DHRS3: variants seen among roughly 807,000 people sequenced by gnomAD.
The protein encoded by DHRS3 is dehydrogenase/reductase 3, also known as short-chain dehydrogenase/reductase 3.
In DHRS3, 14 loss-of-function variants were observed where a neutral mutation model predicts 27.2. That is an observed-to-expected ratio of 0.52 (90% confidence interval 0.34 to 0.81). DHRS3 has a LOEUF of 0.81. Among genes scored for constraint, DHRS3 ranks in the 30% least tolerant of loss-of-function variants. The probability of loss-of-function intolerance (pLI) is 0.01; values close to 1 mark genes in which losing one functional copy is unlikely to be tolerated. For missense variants in DHRS3, 322 were observed against 406.2 expected (o/e 0.79, Z 1.78); for synonymous variants, 165 against 175.9 (o/e 0.94, Z 0.49).
rs753270838 is a variant in DHRS3, at chr1:12,578,834, T to G, written c.582A>C (p.Ser194=). The G allele has an allele frequency of 1.2e-6, 2 of 1,613,906 alleles. No individual in the cohort carries two copies. Among genetic ancestry groups the G allele is most frequent in the African/African-American group, 2.7e-5 (2 of 74,918 alleles). Residue 194 remains serine (S), a synonymous_variant, in exon 4 of 6, where the codon TCA becomes TCC. Transcript: ENST00000616661. This position sits in a 1 kb window ranked among gnomAD's most constrained non-coding sequence, Gnocchi z 4.5. ...TCAGGCTCTCCATGAAGGCGAAGGC[T>G]GACGCTTTGGATGTGCAGTAGTCGA... ...GAIDYCTSKA[S]AFAFMESLTL...
At chr1:12,585,243 GTC>G (rs1322548575) in intron 1 of DHRS3, among the ~76,000 whole-genome samples, 2 of 139,904 alleles carry the variant, frequency 1.4e-5, no homozygotes, top group Non-Finnish European at 2.9e-5. Context: ...GTGAGTGTGT[GTC>G]TCTGTGTCTC....
At chr1:12,600,230 C>T (rs1025856234) in intron 1 of DHRS3, 17 of 326,954 alleles carry the variant, frequency 5.2e-5, no homozygotes, top group Non-Finnish European at 6.1e-5. Flanking sequence ...CGTACACACA[C>T]ACACACACAA....
Position 12,594,641 on chromosome 1 carries a change from T to A in DHRS3, c.196-13975A>T, listed in dbSNP as rs1646773354. ...TGAAGGAGGGAGCGATACAGACGCG[T>A]GGAGGAAGAGCATCCCTGGTGGAGG... On this transcript the variant is annotated intron_variant, in intron 1 of 5. Transcript: ENST00000616661. This position sits in a 1 kb window ranked among gnomAD's most constrained non-coding sequence, Gnocchi z 4.1. 6.6e-6 allele frequency among the ~76,000 whole-genome samples: 1 copy of A among 152,060 alleles called. No homozygotes were observed. The highest frequency in any genetic ancestry group is 2.4e-5 in the African/African-American group (1 of 41,444).
rs1183789741 is a variant in DHRS3, at chr1:12,593,868, C to T, written c.196-13202G>A. 1.3e-5 allele frequency among the ~76,000 whole-genome samples: 2 copies of T among 152,220 alleles called. No homozygotes were observed. Among genetic ancestry groups the T allele is most frequent in the African/African-American group, 2.4e-5 (1 of 41,454 alleles). ...CAGGCAGAACACTGCTCACTCCCAGCCAGAAACCCACGGGCTGATGTTTCT... is the reference window on the plus strand; with the variant it reads ...CAGGCAGAACACTGCTCACTCCCAGTCAGAAACCCACGGGCTGATGTTTCT... On this transcript the variant is annotated intron_variant, in intron 1 of 5. Coordinates refer to ENST00000616661, the MANE Select transcript of DHRS3 (RefSeq NM_004753.7). This position sits in a 1 kb window ranked among gnomAD's most constrained non-coding sequence, Gnocchi z 4.6.
At chr1:12,596,914 C>A (rs917301849) in intron 1 of DHRS3, among the ~76,000 whole-genome samples, 1 of 152,124 alleles carries the variant, frequency 6.6e-6, no homozygotes, top group African/African-American at 2.4e-5. Context: ...CACTGCCCCC[C>A]CAAACTGAGC....
In DHRS3 at chr1:12,603,329, G is replaced by A. The variant is rs977313013; in HGVS notation, c.195+13825C>T. Among the ~76,000 whole-genome samples the A allele has an allele frequency of 3.9e-5, 6 of 152,248 alleles. No homozygotes were observed. The East Asian group carries it at 9.6e-4, about 24-fold the overall frequency. ...GTCCATCGAGGAGAGGGAGCGGGCTGAGTCATTTCCTTGAAGCATCATTTT... is the reference window on the plus strand; with the variant it reads ...GTCCATCGAGGAGAGGGAGCGGGCTAAGTCATTTCCTTGAAGCATCATTTT... On this transcript the variant is annotated intron_variant, in intron 1 of 5. Coordinates refer to ENST00000616661, the MANE Select transcript of DHRS3 (RefSeq NM_004753.7).
Position 12,594,038 on chromosome 1 carries a change from C to G in DHRS3, c.196-13372G>C, listed in dbSNP as rs974413368. On this transcript the variant is annotated intron_variant, in intron 1 of 5. Coordinates refer to ENST00000616661, the MANE Select transcript of DHRS3 (RefSeq NM_004753.7). The surrounding 1 kb of genome is among the most constrained non-coding windows in gnomAD (Gnocchi z 4.1). ...ACCTCACAACCTTTGCCCTTTTCCC[C>G]CACTGGACCTCTTGCTGGAAAGTGC... Among the ~76,000 whole-genome samples, 1 of 152,176 alleles carries G rather than the reference C, an allele frequency of 6.6e-6. No individual in the cohort carries two copies. Among genetic ancestry groups the G allele is most frequent in the African/African-American group, 2.4e-5 (1 of 41,426 alleles).
chr1:12,599,236 G>T (rs1646819659), intron 1 of DHRS3, among the ~76,000 whole-genome samples: 1 of 152,264 alleles, frequency 6.6e-6, no homozygotes, highest in South Asian at 2.1e-4. Flanking sequence ...GGCCCAGAGG[G>T]CCAGGGGATT....
At chr1:12,595,127 G>C (rs1646782448) in intron 1 of DHRS3, among the ~76,000 whole-genome samples, 1 of 152,122 alleles carries the variant, frequency 6.6e-6, no homozygotes, top group Admixed American at 6.5e-5. Context: ...AGCAGTTCCA[G>C]GTGGCAAAGG....
chr1:12,617,529 A>AG lies in DHRS3; in HGVS notation c.-182_-181insC. The AG allele has an allele frequency of 2.2e-6, 1 of 458,978 alleles. No homozygotes were observed. The highest frequency in any genetic ancestry group is 4.2e-5 in the Admixed American group (1 of 23,878). 28.4% of individuals were successfully genotyped at this position (458,978 alleles called of 1,614,324 possible). On this transcript the variant is annotated 5_prime_UTR_variant, in exon 1 of 6. Transcript: ENST00000616661. ...CACCGGGTGAGAAAAAGAAAAAAAAAAAAAAAAAAAAGATAAATTCTCCTC... is the reference window on the plus strand; with the variant it reads ...CACCGGGTGAGAAAAAGAAAAAAAAAGAAAAAAAAAAAGATAAATTCTCCTC...
intron 5 of DHRS3, among the ~76,000 whole-genome samples, chr1:12,571,078 C>T (rs534379314): frequency 6.6e-6 from 1 of 152,246 alleles, no homozygotes; most frequent in Non-Finnish European, 1.5e-5. Context: ...CTGAAAAGGA[C>T]TTCCAGGTCA....
rs749333367 is a variant in DHRS3, at chr1:12,578,305, G to C, written c.698+413C>G. The stretch of plus-strand genomic sequence containing the variant: ...AGACAGCGTCAAACAGAGGGTAGAG[G>C]CTCCTTGGTGACTTTTTGTTTTGAG... On this transcript the variant is annotated intron_variant, in intron 4 of 5. Transcript: ENST00000616661. The surrounding 1 kb of genome is among the most constrained non-coding windows in gnomAD (Gnocchi z 4.5). 1.3e-5 allele frequency among the ~76,000 whole-genome samples: 2 copies of C among 151,614 alleles called. No homozygotes were observed. The highest frequency in any genetic ancestry group is 2.9e-5 in the Non-Finnish European group (2 of 68,016).
chr1:12,578,981 T>C lies in DHRS3; in HGVS notation c.460-25A>G. 3 of 1,591,514 alleles carry C rather than the reference T, an allele frequency of 1.9e-6. No homozygotes were observed. The highest frequency in any genetic ancestry group is 2.6e-6 in the Non-Finnish European group (3 of 1,164,544). On this transcript the variant is annotated intron_variant, in intron 3 of 5. Transcript: ENST00000616661. This position sits in a 1 kb window ranked among gnomAD's most constrained non-coding sequence, Gnocchi z 4.5. Reference sequence around the variant, plus strand: ...TCTGAGGGCAGATGGGGTGTCAGGGTGGAGCAGCTGCAGCTCTGACAACCC... The same window carrying C: ...TCTGAGGGCAGATGGGGTGTCAGGGCGGAGCAGCTGCAGCTCTGACAACCC...
rs899851061 is a variant in DHRS3, at chr1:12,591,167, G to A, written c.196-10501C>T. ...TGCTGTACTAATAAAAATAGTAACAGCTAGCATTTATTGGTGTAGCCCTAG... is the reference window on the plus strand; with the variant it reads ...TGCTGTACTAATAAAAATAGTAACAACTAGCATTTATTGGTGTAGCCCTAG... On this transcript the variant is annotated intron_variant, in intron 1 of 5. Coordinates refer to ENST00000616661, the MANE Select transcript of DHRS3 (RefSeq NM_004753.7). The surrounding 1 kb of genome is among the most constrained non-coding windows in gnomAD (Gnocchi z 4.1). 1.3e-5 allele frequency among the ~76,000 whole-genome samples: 2 copies of A among 152,202 alleles called. No homozygotes were observed. Among genetic ancestry groups the A allele is most frequent in the Non-Finnish European group, 2.9e-5 (2 of 68,044 alleles).
intron 1 of DHRS3, among the ~76,000 whole-genome samples, chr1:12,599,280 AG>A (rs1646819977): frequency 6.6e-6 from 1 of 152,280 alleles, no homozygotes; most frequent in Non-Finnish European, 1.5e-5. Context: ...GGAAATGGCC[AG>A]GCCAGCACAC....
chr1:12,600,463 A>C, intron 1 of DHRS3: 1 of 922,602 alleles, frequency 1.1e-6, no homozygotes, highest in Non-Finnish European at 1.3e-6. Context: ...TTGGCATCTG[A>C]GATGTAAGAA....
At chr1:12,605,814 TTATGA>T (rs1285075852) in intron 1 of DHRS3, among the ~76,000 whole-genome samples, 1 of 152,024 alleles carries the variant, frequency 6.6e-6, no homozygotes, top group Non-Finnish European at 1.5e-5. Flanking sequence ...CACTGATACT[TTATGA>T]AAAGTTTATG....
At chr1:12,570,775 C>T (rs908925197) in intron 5 of DHRS3, among the ~76,000 whole-genome samples, 7 of 152,172 alleles carry the variant, frequency 4.6e-5, no homozygotes, top group Non-Finnish European at 7.4e-5. Flanking sequence ...CTCCTAGAGA[C>T]GGCTGAGGAG....
chr1:12,582,128 T>C (rs2100665521), intron 1 of DHRS3, among the ~76,000 whole-genome samples: 1 of 152,294 alleles, frequency 6.6e-6, no homozygotes, highest in South Asian at 2.1e-4. Flanking sequence ...ATCCAACTGA[T>C]TTCTCTATTT....
Sources: gnomAD v4.1 joint callset for allele counts (sites outside exome capture counted in the v4.1 genomes callset) on GRCh38, gnomAD v4.1.1 for gene constraint, Gnocchi (gnomAD v3.1) non-coding constraint, MANE v1.5 for transcripts, NCBI Gene and HGNC (gene_info 2026-07-23, HGNC 2026-07-21) for gene names.